Variants in EXOC4 observed in about 807,000 individuals in gnomAD.
EXOC4 encodes the protein exocyst complex component 4.
Under a neutral mutation model 107.2 loss-of-function variants are expected in EXOC4, and 71 were observed. The observed-to-expected ratio is 0.66, with a 90% confidence interval of 0.55 to 0.81. EXOC4 has a LOEUF of 0.81. Among genes scored for constraint, EXOC4 ranks in the 30% least tolerant of loss-of-function variants. The pLI is 0.00. For synonymous variants in EXOC4, 456 were observed against 441.2 expected (o/e 1.03, Z -0.42); for missense variants, 1,108 against 1,189.6 (o/e 0.93, Z 1.01).
At chr7:134,067,636 T>TACACACACACACACAC (rs1491317350), downstream of EXOC4, among the ~76,000 whole-genome samples, 1 of 129,100 alleles carries the variant, frequency 7.7e-6, no homozygotes, top group African/African-American at 2.8e-5. Flanking sequence ...TATATATATA[T>TACACACACACACACAC]ATACACACAC....
At chr7:133,681,961 T>G (rs1794196603) in intron 10 of EXOC4, among the ~76,000 whole-genome samples, 1 of 152,182 alleles carries the variant, frequency 6.6e-6, no homozygotes, top group Non-Finnish European at 1.5e-5. Flanking sequence ...TGGAGTGCAG[T>G]GGCATGATCA....
At chr7:133,583,014 A>G (rs1227425788) in intron 9 of EXOC4, among the ~76,000 whole-genome samples, 1 of 152,250 alleles carries the variant, frequency 6.6e-6, no homozygotes, top group Non-Finnish European at 1.5e-5. Flanking sequence ...TTCACATGCC[A>G]TGCATGCTTC....
chr7:133,987,652 A>G (rs1167064796), intron 14 of EXOC4, among the ~76,000 whole-genome samples: 2 of 152,198 alleles, frequency 1.3e-5, no homozygotes, highest in Admixed American at 6.5e-5. Context: ...AGAAAATCTC[A>G]TGGGATCATT....
chr7:133,669,689 G>T (rs193232823), intron 10 of EXOC4, among the ~76,000 whole-genome samples: 1 of 152,150 alleles, frequency 6.6e-6, no homozygotes. Flanking sequence ...ATGCATTTGC[G>T]TATATTTGGG....
chr7:133,976,500 C>G (rs1025839913), intron 14 of EXOC4, among the ~76,000 whole-genome samples: 2 of 152,088 alleles, frequency 1.3e-5, no homozygotes, highest in Non-Finnish European at 2.9e-5. Context: ...ATTCTCAAAA[C>G]AGAGTGAAGA....
At chr7:133,885,979 G>A (rs1799077886) in intron 11 of EXOC4, among the ~76,000 whole-genome samples, 2 of 152,206 alleles carry the variant, frequency 1.3e-5, no homozygotes, top group South Asian at 2.1e-4. Context: ...AAGTAGGAAG[G>A]ATCGAGAAGT....
chr7:133,495,950 G>A (rs1275034283), intron 9 of EXOC4, among the ~76,000 whole-genome samples: 1 of 152,050 alleles, frequency 6.6e-6, no homozygotes, highest in Non-Finnish European at 1.5e-5. Flanking sequence ...TCTCACTAAT[G>A]TATTTTTATG....
At chr7:133,357,475 G>A (rs2150660208) in intron 6 of EXOC4, among the ~76,000 whole-genome samples, 1 of 152,230 alleles carries the variant, frequency 6.6e-6, no homozygotes, top group African/African-American at 2.4e-5. Context: ...AAAACAATAA[G>A]ATTTGAATTT....
At chr7:133,431,463 G>C (rs1458223509) in intron 7 of EXOC4, among the ~76,000 whole-genome samples, 2 of 152,206 alleles carry the variant, frequency 1.3e-5, no homozygotes, top group Non-Finnish European at 2.9e-5. Context: ...ACCCTCCCTT[G>C]TGAGTCACTT....
chr7:133,401,475 A>G (rs1797088148), intron 7 of EXOC4, among the ~76,000 whole-genome samples: 1 of 151,944 alleles, frequency 6.6e-6, no homozygotes, highest in South Asian at 2.1e-4. Flanking sequence ...AGCCTGTGCA[A>G]TATACTGAGA....
At chr7:133,794,872 A>G (rs553216119) in intron 10 of EXOC4, among the ~76,000 whole-genome samples, 1 of 151,946 alleles carries the variant, frequency 6.6e-6, no homozygotes, top group African/African-American at 2.4e-5. Flanking sequence ...TGCATGTGCC[A>G]TATTGGTGTG....
chr7:133,572,518 A>G (rs1298367841), intron 9 of EXOC4, among the ~76,000 whole-genome samples: 4 of 152,212 alleles, frequency 2.6e-5, no homozygotes, highest in Non-Finnish European at 5.9e-5. Flanking sequence ...ACTTTGAACA[A>G]TATAATTTTT....
intron 7 of EXOC4, 137 bp downstream of exon 7, chr7:133,375,139 A>G: frequency 1.4e-6 from 1 of 710,534 alleles, no homozygotes. Flanking sequence ...CTTGCATTTG[A>G]ATGTGATGTT....
intron 9 of EXOC4, among the ~76,000 whole-genome samples, chr7:133,509,441 A>C (rs1650709272): frequency 6.6e-6 from 1 of 151,868 alleles, no homozygotes; most frequent in Admixed American, 6.6e-5. Flanking sequence ...AAAAAAAAAG[A>C]AATATAAGCA....
intron 14 of EXOC4, among the ~76,000 whole-genome samples, chr7:133,972,841 A>T (rs1020900211): frequency 6.6e-6 from 1 of 152,142 alleles, no homozygotes; most frequent in South Asian, 2.1e-4. Flanking sequence ...TGACTTCCAT[A>T]TTATATTCCC....
At chr7:133,422,145 AT>A (rs1416177291) in intron 7 of EXOC4, among the ~76,000 whole-genome samples, 2 of 152,142 alleles carry the variant, frequency 1.3e-5, no homozygotes, top group African/African-American at 4.8e-5. Context: ...TGGGCCCATC[AT>A]TTTTGCTTAC....
intron 11 of EXOC4, among the ~76,000 whole-genome samples, chr7:133,884,620 T>TGTGTGTGTGTGC (rs942323507): frequency 2.1e-5 from 3 of 142,418 alleles, no homozygotes; most frequent in African/African-American, 7.6e-5. Flanking sequence ...TGTGTGTGTG[T>TGTGTGTGTGTGC]GCGCGCGTGT....
At chr7:133,784,834 T>G (rs747724722) in intron 10 of EXOC4, among the ~76,000 whole-genome samples, 26 of 152,266 alleles carry the variant, frequency 1.7e-4, no homozygotes, top group Admixed American at 3.9e-4. Context: ...ACAGCTGCAC[T>G]CAGGCTAAAG....
chr7:134,024,304 A>T (rs1289969988), intron 17 of EXOC4, among the ~76,000 whole-genome samples: 2 of 152,060 alleles, frequency 1.3e-5, no homozygotes, highest in African/African-American at 4.8e-5. Flanking sequence ...ACAAAAAATT[A>T]GCTGGGTGTG....
Sources: allele counts gnomAD v4.1 joint callset (sites outside exome capture counted in the v4.1 genomes callset), GRCh38; gene constraint gnomAD v4.1.1; transcripts MANE v1.5; gene names NCBI Gene and HGNC (gene_info 2026-07-23, HGNC 2026-07-21).